Variants in CDKL1 observed in about 807,000 individuals in gnomAD.
The protein encoded by CDKL1 is cyclin dependent kinase like 1.
A neutral mutation model predicts 42.0 loss-of-function variants in CDKL1; 41 were observed. The ratio of observed to expected loss-of-function variants is 0.98; its 90% CI spans 0.76 to 1.27. CDKL1 has a LOEUF of 1.27. Ranked by LOEUF, CDKL1 falls within the 50% of genes most tolerant of loss-of-function variation. CDKL1 has a pLI of 0.00. For missense variants in CDKL1, 394 were observed against 428.4 expected (o/e 0.92, Z 0.71); for synonymous variants, 153 against 158.6 (o/e 0.96, Z 0.26).
Position 50,338,661 on chromosome 14 carries a change from G to A in CDKL1, c.738+286C>T, listed in dbSNP as rs564331405. ...TAGGTCTAGGTCTAAAAGTTGGTTG[G>A]CTCTAAGCTACCTAGGTTCAACTGC... On this transcript the variant is annotated intron_variant, in intron 7 of 9. Transcript: ENST00000395834. Among the ~76,000 whole-genome samples the A allele has an allele frequency of 4.4e-4, 67 of 152,270 alleles. No homozygotes were observed. The South Asian group carries it at 0.013, about 30-fold the overall frequency.
intron 3 of CDKL1, among the ~76,000 whole-genome samples, chr14:50,346,944 C>T (rs563697542): frequency 5.3e-5 from 8 of 152,164 alleles, no homozygotes; most frequent in Admixed American, 1.3e-4. Flanking sequence ...CCACCATGCC[C>T]GGCCTGCAAA....
rs771270147 is a variant in CDKL1, at chr14:50,332,451, C to T, written c.796-19G>A. Reference sequence around the variant, plus strand: ...GACAGCCCTAAAAGAACAGAAAATTCCTTCTTCTTACTTCTTCAAAATTGT... The same window carrying T: ...GACAGCCCTAAAAGAACAGAAAATTTCTTCTTCTTACTTCTTCAAAATTGT... On this transcript the variant is annotated intron_variant, in intron 8 of 9. Transcript: ENST00000395834. 1.9e-6 allele frequency: 3 copies of T among 1,580,184 alleles called. No individual in the cohort carries two copies. The South Asian group carries it at 3.5e-5, about 19-fold the overall frequency.
intron 6 of CDKL1, among the ~76,000 whole-genome samples, chr14:50,340,545 G>T (rs1349205548): frequency 6.6e-6 from 1 of 152,150 alleles, no homozygotes; most frequent in African/African-American, 2.4e-5. Flanking sequence ...GGGTGGGAAA[G>T]CAAGACGGAC....
rs1199075805 is a variant in CDKL1, at chr14:50,396,218, G to GAAAGA, written c.-355_-351dup. The GAAAGA allele has an allele frequency of 7.4e-6, 7 of 944,192 alleles. No homozygotes were observed. Among genetic ancestry groups the GAAAGA allele is most frequent in the Admixed American group, 1.2e-4 (2 of 16,596 alleles). The allele number at this position is 944,192 out of a possible 1,614,324, so 58.5% of individuals were successfully genotyped here. A position where few individuals can be genotyped will look rare whatever the true frequency, so the allele number is the denominator to read the frequency against. On this transcript the variant is annotated 5_prime_UTR_variant, in exon 2 of 10. Transcript: ENST00000395834. ...AAAAAAAAAAAAAAAAAAAAAGAAA[G>GAAAGA]AAAGAAAAGAAAAGAAAGGATCTTC...
In CDKL1 at chr14:50,336,235, T is replaced by A. The variant is rs771377625; in HGVS notation, c.739-1614A>T. The A allele has an allele frequency of 9.1e-5, 119 of 1,309,758 alleles. 1 individual carries two copies. The Middle Eastern group carries it at 1.4e-3, about 15-fold the overall frequency. 81.1% of individuals were successfully genotyped at this position (1,309,758 alleles called of 1,614,324 possible). A position where few individuals can be genotyped will look rare whatever the true frequency, so the allele number is the denominator to read the frequency against. ...AGGCAGAGGGACTGGGGCACAGATG[T>A]TCAACCAGTGCAGCCCCCGCACTGC... On this transcript the variant is annotated intron_variant, in intron 7 of 9. Transcript: ENST00000395834.
At position 50,332,487 on chromosome 14, in the gene CDKL1, T is replaced by G. The variant is rs2139358987; in HGVS notation, c.796-55A>C. ...CTTCTTCAAAATTGTATTAACTTATTAATGTCATTTTTTTCTTCTTTGAAA... is the reference window on the plus strand; with the variant it reads ...CTTCTTCAAAATTGTATTAACTTATGAATGTCATTTTTTTCTTCTTTGAAA... On this transcript the variant is annotated intron_variant, in intron 8 of 9. Coordinates refer to ENST00000395834, the MANE Select transcript of CDKL1 (RefSeq NM_004196.7). 6 of 1,548,540 alleles carry G rather than the reference T, an allele frequency of 3.9e-6. No individual in the cohort carries two copies. In the East Asian group the frequency reaches 6.8e-5, roughly 17 times the overall value.
chr14:50,384,396 C>T (rs887362931), intron 2 of CDKL1, among the ~76,000 whole-genome samples: 4 of 152,170 alleles, frequency 2.6e-5, no homozygotes, highest in African/African-American at 9.7e-5. Flanking sequence ...CTCATTCTCA[C>T]TAAAAGGAAC....
chr14:50,335,845 G>A, intron 7 of CDKL1: 1 of 1,285,188 alleles, frequency 7.8e-7, no homozygotes, highest in Non-Finnish European at 1.0e-6. Context: ...AACCAATTCT[G>A]GATTGTACAC....
At chr14:50,384,046 G>T (rs768821387) in intron 2 of CDKL1, among the ~76,000 whole-genome samples, 27 of 152,172 alleles carry the variant, frequency 1.8e-4, no homozygotes, top group Non-Finnish European at 1.6e-4. Flanking sequence ...AAATTCAACA[G>T]GTCCCCACTT....
At chr14:50,357,089 T>C (rs982153238) in intron 3 of CDKL1, 1 of 152,232 alleles carries the variant, frequency 6.6e-6, no homozygotes. Flanking sequence ...ACAAGTTTAA[T>C]TGAAGTGTCA....
At chr14:50,367,811 C>T (rs1356320813) in intron 2 of CDKL1, among the ~76,000 whole-genome samples, 1 of 152,186 alleles carries the variant, frequency 6.6e-6, no homozygotes, top group African/African-American at 2.4e-5. Context: ...GTATCACCGT[C>T]CTTCAGTTAA....
intron 3 of CDKL1, among the ~76,000 whole-genome samples, chr14:50,348,088 G>A (rs1043329454): frequency 6.6e-6 from 1 of 152,196 alleles, no homozygotes; most frequent in African/African-American, 2.4e-5. Flanking sequence ...CAGGAGAAGA[G>A]ATAACAGCAA....
Position 50,327,378 on chromosome 14 carries a change from T to C in CDKL1, c.*2696A>G, listed in dbSNP as rs2032745701. ...GAAAAATAGATAAAACAGGTCTTCATTGTTACCTGTGAGAAATGGCCCTGA... is the reference window on the plus strand; with the variant it reads ...GAAAAATAGATAAAACAGGTCTTCACTGTTACCTGTGAGAAATGGCCCTGA... On this transcript the variant is annotated 3_prime_UTR_variant, in exon 10 of 10. Coordinates refer to ENST00000395834, the MANE Select transcript of CDKL1 (RefSeq NM_004196.7). 6.6e-6 allele frequency: 1 copy of C among 151,414 alleles called. No homozygotes were observed. Among genetic ancestry groups the C allele is most frequent in the African/African-American group, 2.4e-5 (1 of 41,274 alleles). The allele number at this position is 151,414 out of a possible 1,614,324, so 9.4% of individuals were successfully genotyped here. A position where few individuals can be genotyped will look rare whatever the true frequency, so the allele number is the denominator to read the frequency against.
At chr14:50,343,075 T>C in intron 4 of CDKL1, 1 of 1,299,508 alleles carries the variant, frequency 7.7e-7, no homozygotes. Context: ...GAAAAGAACG[T>C]TTGAGAATCT....
intron 2 of CDKL1, among the ~76,000 whole-genome samples, chr14:50,385,714 GA>G (rs2035059814): frequency 6.8e-6 from 1 of 147,178 alleles, no homozygotes; most frequent in Admixed American, 7.0e-5. Flanking sequence ...TGAAGCACGA[GA>G]ATCGCTTGAG....
intron 2 of CDKL1, among the ~76,000 whole-genome samples, chr14:50,378,670 A>G (rs1566604854): frequency 6.6e-6 from 1 of 151,996 alleles, no homozygotes; most frequent in African/African-American, 2.4e-5. Context: ...AGTGGCTGGG[A>G]CCACAGGCAC....
intron 2 of CDKL1, chr14:50,362,833 G>C (rs939732534): frequency 3.1e-6 from 1 of 323,488 alleles, no homozygotes; most frequent in African/African-American, 2.1e-5. Flanking sequence ...GCAGGATGTG[G>C]GTAGGGCCAG....
At chr14:50,346,657 T>TG (rs1555340145) in intron 3 of CDKL1, among the ~76,000 whole-genome samples, 66 of 144,542 alleles carry the variant, frequency 4.6e-4, no homozygotes, top group African/African-American at 1.6e-3. Context: ...TTTTGGTTTT[T>TG]TTTTTTTTTT....
Position 50,362,850 on chromosome 14 carries a change from GA to G in CDKL1, c.169-3702del, listed in dbSNP as rs754335607. 3.0e-5 allele frequency: 11 copies of G among 365,594 alleles called. No individual in the cohort carries two copies. The East Asian group carries it at 7.2e-4, about 24-fold the overall frequency. The allele number at this position is 365,594 out of a possible 1,614,324, so 22.6% of individuals were successfully genotyped here. On this transcript the variant is annotated intron_variant, in intron 2 of 9. Coordinates refer to ENST00000395834, the MANE Select transcript of CDKL1 (RefSeq NM_004196.7). ...AGGATGTGGGTAGGGCCAGATAAGA[GA>G]ATAAAAGCAGGCTGCCCGACCCAGC... is the stretch of plus-strand genomic sequence containing the variant.
Sources: gnomAD v4.1 joint callset for allele counts (sites outside exome capture counted in the v4.1 genomes callset) on GRCh38, gnomAD v4.1.1 for gene constraint, MANE v1.5 for transcripts, NCBI Gene and HGNC (gene_info 2026-07-23, HGNC 2026-07-21) for gene names.